Variants in ANXA8 observed in about 807,000 individuals in gnomAD.
The protein encoded by ANXA8 is annexin A8, also known as VAC-beta.
A neutral mutation model predicts 26.8 loss-of-function variants in ANXA8; 9 were observed. That is an observed-to-expected ratio of 0.34 (90% CI 0.20 to 0.59). The LOEUF (loss-of-function observed/expected upper bound fraction) is 0.59, where lower values mean the gene tolerates loss of function less well. Ranked by LOEUF, ANXA8 falls within the 20% of genes least tolerant of loss-of-function variation. The pLI is 0.84. For synonymous variants in ANXA8, 39 were observed against 94.8 expected, an observed-to-expected ratio of 0.41 and a Z score of 3.42; for missense variants, 83 against 238.5, an observed-to-expected ratio of 0.35 and a Z score of 4.29.
chr10:47,650,172 C>A, the ANXA8 span, among the ~76,000 whole-genome samples: 1 of 146,716 alleles, frequency 6.8e-6, no homozygotes, highest in African/African-American at 2.6e-5. Flanking sequence ...CATGCCACTG[C>A]ACCCCAGCCT....
chr10:47,522,610 ATTT>A, the ANXA8 span, among the ~76,000 whole-genome samples: 1 of 135,158 alleles, frequency 7.4e-6, no homozygotes, highest in Admixed American at 7.4e-5. Flanking sequence ...CTCCATTCTG[ATTT>A]TAAATAAGAA....
At chr10:47,552,550 T>G in the ANXA8 span, among the ~76,000 whole-genome samples, 22 of 152,090 alleles carry the variant, frequency 1.4e-4, no homozygotes, top group South Asian at 2.1e-4. Flanking sequence ...TACATACATT[T>G]GAAAAATAGC....
At chr10:47,556,994 A>C in the ANXA8 span, among the ~76,000 whole-genome samples, 25,046 of 136,698 alleles carry the variant, frequency 0.18, 2,333 homozygotes, top group East Asian at 0.52. Flanking sequence ...TATAATTTTT[A>C]TTTTCTTTCT....
At chr10:47,682,531 G>T in the ANXA8 span, among the ~76,000 whole-genome samples, 2 of 134,472 alleles carry the variant, frequency 1.5e-5, no homozygotes, top group Non-Finnish European at 3.2e-5. Flanking sequence ...GTACAGTGAC[G>T]CGATCTTGGC....
At position 47,474,107 on chromosome 10, in the gene ANXA8, G is replaced by A. The variant is rs1184305774; in HGVS notation, c.647-42C>T. ...GCTCAGGGGATGGTCAGACCTCCTC[G>A]TGATGCCCCTCAGTGTCTCGGATCA... On this transcript the variant is annotated intron_variant, in intron 8 of 11. Transcript: ENST00000585281. 249 of 506,036 alleles carry A rather than the reference G, an allele frequency of 4.9e-4. 5 individuals are homozygous for A. The highest frequency in any genetic ancestry group is 7.3e-4 in the Non-Finnish European group (214 of 294,122). 31.3% of individuals were successfully genotyped at this position (506,036 alleles called of 1,614,324 possible). A position where few individuals can be genotyped will look rare whatever the true frequency, so the allele number is the denominator to read the frequency against.
the ANXA8 span, among the ~76,000 whole-genome samples, chr10:47,663,335 T>C: frequency 6.8e-6 from 1 of 147,736 alleles, no homozygotes; most frequent in African/African-American, 2.7e-5. Context: ...TTTTAACAAA[T>C]ATTTATACAC....
chr10:47,535,440 T>G, the ANXA8 span, among the ~76,000 whole-genome samples: 1 of 130,606 alleles, frequency 7.7e-6, no homozygotes, highest in Non-Finnish European at 1.5e-5. Flanking sequence ...ACTGTGAATT[T>G]TAAATCCATA....
the ANXA8 span, chr10:47,510,298 A>C: frequency 3.3e-5 from 36 of 1,105,832 alleles, 4 homozygotes; most frequent in Admixed American, 2.6e-4. Context: ...GTGTAAGTCA[A>C]ACTTATCAAA....
chr10:47,637,494 G>A, the ANXA8 span, among the ~76,000 whole-genome samples: 13 of 147,802 alleles, frequency 8.8e-5, no homozygotes, highest in Admixed American at 6.7e-4. Context: ...TCTGTCTGTG[G>A]AAAACACTGC....
the ANXA8 span, among the ~76,000 whole-genome samples, chr10:47,700,056 C>T: frequency 6.6e-6 from 1 of 151,876 alleles, no homozygotes; most frequent in African/African-American, 2.4e-5. Context: ...TAGGATGACT[C>T]AACATTATAA....
chr10:47,901,927 C>A, the ANXA8 span, among the ~76,000 whole-genome samples: 2 of 150,140 alleles, frequency 1.3e-5, no homozygotes, highest in Non-Finnish European at 3.0e-5. Context: ...ATTTAATTTA[C>A]CATAACTTTA....
At chr10:47,546,297 C>T in the ANXA8 span, among the ~76,000 whole-genome samples, 1 of 132,790 alleles carries the variant, frequency 7.5e-6, no homozygotes, top group African/African-American at 2.7e-5. Flanking sequence ...CTCAATTGCT[C>T]AGAAATATTT....
the ANXA8 span, among the ~76,000 whole-genome samples, chr10:47,700,292 T>C: frequency 2.0e-5 from 3 of 151,904 alleles, no homozygotes; most frequent in Non-Finnish European, 4.4e-5. Flanking sequence ...GAAGTACTGA[T>C]GCATGAATAG....
At chr10:47,648,018 G>A in the ANXA8 span, among the ~76,000 whole-genome samples, 3 of 151,884 alleles carry the variant, frequency 2.0e-5, no homozygotes, top group Non-Finnish European at 2.9e-5. Flanking sequence ...GCCTTCCTGA[G>A]CTGAGGCTAG....
chr10:47,891,587 T>TAA, the ANXA8 span, among the ~76,000 whole-genome samples: 1 of 1,522 alleles, frequency 6.6e-4, no homozygotes, highest in African/African-American at 3.0e-3. Context: ...TCTCTACAAA[T>TAA]AAATAGAAAA....
the ANXA8 span, chr10:47,973,282 T>C: frequency 1.4e-5 from 2 of 147,656 alleles, no homozygotes; most frequent in Non-Finnish European, 3.0e-5. Flanking sequence ...TTAATCATGT[T>C]GTGGAGGACA....
chr10:47,628,529 C>T, the ANXA8 span, among the ~76,000 whole-genome samples: 1 of 150,826 alleles, frequency 6.6e-6, no homozygotes. Flanking sequence ...ATATTTAAGG[C>T]TTTTTAATTA....
the ANXA8 span, among the ~76,000 whole-genome samples, chr10:47,762,156 C>G: frequency 6.7e-6 from 1 of 150,220 alleles, no homozygotes; most frequent in Non-Finnish European, 1.5e-5. Context: ...CACCCGCTCC[C>G]TCCCCTAGCC....
the ANXA8 span, among the ~76,000 whole-genome samples, chr10:47,549,946 A>T: frequency 6.7e-6 from 1 of 148,698 alleles, no homozygotes; most frequent in Non-Finnish European, 1.5e-5. Flanking sequence ...CTCTACAAAA[A>T]CATAAAAATT....
Sources: allele counts gnomAD v4.1 joint callset (sites outside exome capture counted in the v4.1 genomes callset), GRCh38; gene constraint gnomAD v4.1.1; transcripts MANE v1.5; gene names NCBI Gene and HGNC (gene_info 2026-07-23, HGNC 2026-07-21).